Variants in DIP2C observed in about 807,000 individuals in gnomAD.
DIP2C encodes DIP2 acetate--CoA ligase C (putative).
A neutral mutation model predicts 192.4 loss-of-function variants in DIP2C; 33 were observed. The ratio of observed to expected loss-of-function variants is 0.17; its 90% CI spans 0.13 to 0.23. The LOEUF (loss-of-function observed/expected upper bound fraction) is 0.23, where lower values mean the gene tolerates loss of function less well. DIP2C is among the 10% of genes least tolerant of loss of function. The pLI is 1.00. For missense variants in DIP2C, 1,537 were observed against 2,110.1 expected, an observed-to-expected ratio of 0.73 and a Z score of 5.32; for synonymous variants, 979 against 864.1, an observed-to-expected ratio of 1.13 and a Z score of -2.33.
At chr10:386,270 AC>A (rs1962900670) in intron 14 of DIP2C, among the ~76,000 whole-genome samples, 1 of 152,218 alleles carries the variant, frequency 6.6e-6, no homozygotes, top group South Asian at 2.1e-4. Context: ...GAATTCTCAC[AC>A]CGGCCACGTC....
intron 1 of DIP2C, among the ~76,000 whole-genome samples, chr10:572,633 T>C (rs1849895977): frequency 6.6e-6 from 1 of 152,242 alleles, no homozygotes; most frequent in South Asian, 2.1e-4. Context: ...ACGGTCAACA[T>C]TCTGCTCTCC....
intron 24 of DIP2C, among the ~76,000 whole-genome samples, chr10:353,163 C>T (rs114261443): frequency 0.072 from 3,751 of 52,422 alleles, 146 homozygotes; most frequent in African/African-American, 0.22. Context: ...GCAGCATGAC[C>T]GGAGGGGCAC....
At chr10:477,525 T>G (rs1186835132) in intron 2 of DIP2C, among the ~76,000 whole-genome samples, 1 of 1,274 alleles carries the variant, frequency 7.8e-4, no homozygotes, top group African/African-American at 8.7e-4. Flanking sequence ...GGTGGATGGG[T>G]GGGAGATATG....
At chr10:431,003 CCT>C (rs1227902955) in intron 4 of DIP2C, among the ~76,000 whole-genome samples, 7 of 152,140 alleles carry the variant, frequency 4.6e-5, no homozygotes, top group African/African-American at 1.4e-4. Flanking sequence ...TGCCTTTGTT[CCT>C]CTGTCAAAGT....
chr10:509,655 CGA>C (rs1845877478), intron 1 of DIP2C, among the ~76,000 whole-genome samples: 1 of 152,140 alleles, frequency 6.6e-6, no homozygotes, highest in Admixed American at 6.5e-5. Context: ...CTCGTCCAGA[CGA>C]GAGAGAGGCA....
intron 29 of DIP2C, chr10:340,937 T>C (rs1958115518): frequency 1.8e-6 from 1 of 561,082 alleles, no homozygotes; most frequent in East Asian, 4.2e-5. Context: ...GGGAGTCTTC[T>C]GATTGTCAGA....
intron 4 of DIP2C, among the ~76,000 whole-genome samples, chr10:427,468 T>C (rs1268897055): frequency 6.6e-6 from 1 of 152,214 alleles, no homozygotes; most frequent in East Asian, 1.9e-4. Context: ...TTCTGTCTGC[T>C]ACAGAACAGT....
At chr10:362,950 A>G (rs1192316930) in intron 21 of DIP2C, among the ~76,000 whole-genome samples, 1 of 152,216 alleles carries the variant, frequency 6.6e-6, no homozygotes, top group Non-Finnish European at 1.5e-5. Context: ...TCAAGATCAA[A>G]CAAAAAGCTT....
At chr10:679,504 C>T (rs1463322487) in intron 1 of DIP2C, among the ~76,000 whole-genome samples, 1 of 26,910 alleles carries the variant, frequency 3.7e-5, no homozygotes, top group African/African-American at 7.5e-5. Context: ...CTCCCCACAC[C>T]CGTGCTCCCC....
chr10:531,957 T>C (rs1016655351), intron 1 of DIP2C, among the ~76,000 whole-genome samples: 4 of 152,234 alleles, frequency 2.6e-5, no homozygotes, highest in African/African-American at 9.6e-5. Flanking sequence ...CTTTGTTTTA[T>C]AGATAAACAG....
At chr10:633,669 G>A (rs983773305) in intron 1 of DIP2C, among the ~76,000 whole-genome samples, 2 of 152,242 alleles carry the variant, frequency 1.3e-5, no homozygotes, top group African/African-American at 2.4e-5. Context: ...AAAACTGCTC[G>A]GCTCTGGAAC....
chr10:533,809 G>T (rs1847548469), intron 1 of DIP2C, among the ~76,000 whole-genome samples: 1 of 152,116 alleles, frequency 6.6e-6, no homozygotes, highest in Non-Finnish European at 1.5e-5. Context: ...CCGTGTCACA[G>T]ATGTGTCCTC....
intron 1 of DIP2C, among the ~76,000 whole-genome samples, chr10:606,151 C>G (rs371213106): frequency 1.3e-5 from 2 of 152,222 alleles, no homozygotes; most frequent in Admixed American, 6.5e-5. Context: ...TTTCTGGGTT[C>G]TAAGTTGTCC....
At chr10:328,254 C>T (rs540825953) in intron 30 of DIP2C, among the ~76,000 whole-genome samples, 37 of 152,336 alleles carry the variant, frequency 2.4e-4, no homozygotes, top group East Asian at 1.5e-3. Flanking sequence ...CATATTCACA[C>T]GCGCGCACGT....
intron 1 of DIP2C, among the ~76,000 whole-genome samples, chr10:523,752 C>G (rs563563615): frequency 1.2e-4 from 18 of 151,210 alleles, no homozygotes; most frequent in African/African-American, 2.0e-4. Flanking sequence ...TGCAGGGACT[C>G]TGTGTGACCA....
At chr10:365,140 T>A (rs1960036964) in intron 19 of DIP2C, 1 of 414,822 alleles carries the variant, frequency 2.4e-6, no homozygotes, top group Non-Finnish European at 4.9e-6. Context: ...TAGATTTGTA[T>A]CCAGCTCAGT....
chr10:622,299 GA>G (rs1853908650), intron 1 of DIP2C, among the ~76,000 whole-genome samples: 1 of 79,468 alleles, frequency 1.3e-5, no homozygotes. Flanking sequence ...AGGGAGGGAG[GA>G]GGGGGGAGAG....
rs1192024297 is a variant in DIP2C, at chr10:679,716, CTG to C, written c.85+9776_85+9777del. Among the ~76,000 whole-genome samples, 244 of 151,468 alleles carry C rather than the reference CTG, an allele frequency of 1.6e-3. 1 individual carries two copies. Among genetic ancestry groups the C allele is most frequent in the Middle Eastern group, 3.4e-3 (1 of 290 alleles). On this transcript the variant is annotated intron_variant, in intron 1 of 36. Coordinates refer to ENST00000280886, the MANE Select transcript of DIP2C (RefSeq NM_014974.3). ...TCTGTGCTCCCCATGCCCATGCTCC[CTG>C]CATCCGTCCTCCCCACGCCCATCTG...
intron 1 of DIP2C, among the ~76,000 whole-genome samples, chr10:506,355 T>C (rs1403896533): frequency 6.6e-6 from 1 of 152,096 alleles, no homozygotes. Context: ...TGTCAGGGGT[T>C]GGGACAGCAG....
Sources: gnomAD v4.1 joint callset for allele counts (sites outside exome capture counted in the v4.1 genomes callset) on GRCh38, gnomAD v4.1.1 for gene constraint, MANE v1.5 for transcripts, NCBI Gene and HGNC (gene_info 2026-07-23, HGNC 2026-07-21) for gene names.